Variants in NEK1 observed in about 807,000 individuals in gnomAD.
NEK1 encodes NIMA related kinase 1, also known as serine/threonine-protein kinase Nek1.
A neutral mutation model predicts 182.1 loss-of-function variants in NEK1; 137 were observed. That is an observed-to-expected ratio of 0.75 (90% CI 0.65 to 0.87). The LOEUF (loss-of-function observed/expected upper bound fraction) is 0.87, where lower values mean the gene tolerates loss of function less well. Ranked by LOEUF, NEK1 falls within the 40% of genes least tolerant of loss-of-function variation. The pLI is 0.00. For synonymous variants in NEK1, 513 were observed against 492.2 expected (o/e 1.04, Z -0.56); for missense variants, 1,391 against 1,494.4 (o/e 0.93, Z 1.14).
intron 2 of NEK1, among the ~76,000 whole-genome samples, chr4:169,605,241 A>C (rs555386304): frequency 5.8e-4 from 88 of 152,340 alleles, no homozygotes; most frequent in African/African-American, 2.0e-3. Context: ...CAGAAGCTCC[A>C]AAAGTCCCCA....
At chr4:169,442,162 T>C (rs1240028987) in intron 27 of NEK1, among the ~76,000 whole-genome samples, 3 of 152,148 alleles carry the variant, frequency 2.0e-5, no homozygotes, top group Non-Finnish European at 4.4e-5. Context: ...GGACCCACTA[T>C]CACCAGTGCC....
At chr4:169,421,156 C>T (rs2111290969) in intron 31 of NEK1, among the ~76,000 whole-genome samples, 1 of 152,228 alleles carries the variant, frequency 6.6e-6, no homozygotes, top group African/African-American at 2.4e-5. Flanking sequence ...ATTAAGAAGA[C>T]ATATTGATTC....
At chr4:169,554,524 G>A (rs1761888482) in intron 18 of NEK1, 2 of 151,678 alleles carry the variant, frequency 1.3e-5, no homozygotes, top group South Asian at 2.1e-4. Context: ...ATATACGGAG[G>A]CACCTTAAAT....
At chr4:169,601,975 G>T in intron 4 of NEK1, 33 bp downstream of exon 4, 1 of 1,453,214 alleles carries the variant, frequency 6.9e-7, no homozygotes. Context: ...AATGTCTTAG[G>T]ATTTTTTAAC....
chr4:169,612,559 G>C lies in NEK1; in HGVS notation c.-510C>G, dbSNP rs895209975. ...GTAGGGTAAGGACTCCGCAACCTAGGGTCCCAAAACCCTGGAGCGAATGCG... is the reference window on the plus strand; with the variant it reads ...GTAGGGTAAGGACTCCGCAACCTAGCGTCCCAAAACCCTGGAGCGAATGCG... On this transcript the variant is annotated 5_prime_UTR_variant, in exon 1 of 36. Coordinates refer to ENST00000507142, the MANE Select transcript of NEK1 (RefSeq NM_001199397.3). The C allele has an allele frequency of 7.9e-5, 12 of 152,128 alleles. No homozygotes were observed. The highest frequency in any genetic ancestry group is 2.9e-4 in the African/African-American group (12 of 41,394). 9.4% of individuals were successfully genotyped at this position (152,128 alleles called of 1,614,324 possible). A position where few individuals can be genotyped will look rare whatever the true frequency, so the allele number is the denominator to read the frequency against.
chr4:169,540,871 C>CTT (rs1187231067), intron 18 of NEK1, among the ~76,000 whole-genome samples: 3 of 143,612 alleles, frequency 2.1e-5, no homozygotes, highest in African/African-American at 5.1e-5. Context: ...ACAAACTTTC[C>CTT]TTTTTTTTTT....
chr4:169,569,532 C>T (rs895763966), intron 12 of NEK1, among the ~76,000 whole-genome samples: 5 of 149,566 alleles, frequency 3.3e-5, no homozygotes, highest in African/African-American at 1.2e-4. Flanking sequence ...CAGTCTCCCT[C>T]TGATGCCGAG....
intron 27 of NEK1, among the ~76,000 whole-genome samples, chr4:169,452,795 T>C (rs1561213907): frequency 2.0e-5 from 3 of 152,124 alleles, no homozygotes; most frequent in Admixed American, 6.6e-5. Flanking sequence ...TTCAACATAG[T>C]GTTGGAAGTT....
rs534351795 is a variant in NEK1 at position 169,569,739 on chromosome 4, C to T, written c.1020+7189G>A. Among the ~76,000 whole-genome samples, 30 of 152,292 alleles carry T rather than the reference C, an allele frequency of 2.0e-4. No homozygotes were observed. The East Asian group carries it at 5.2e-3, about 27-fold the overall frequency. On this transcript the variant is annotated intron_variant, in intron 12 of 35. Coordinates refer to ENST00000507142, the MANE Select transcript of NEK1 (RefSeq NM_001199397.3). ...CAGCTCCTAACTGCGAGTGATCCGC[C>T]AGCCTCGGCCTCCCGAGGTGCCGGG...
chr4:169,464,009 C>G (rs941329986), intron 26 of NEK1, among the ~76,000 whole-genome samples: 1 of 152,074 alleles, frequency 6.6e-6, no homozygotes, highest in Admixed American at 6.6e-5. Context: ...ATTTTGTGAA[C>G]AAAACGAAGT....
intron 23 of NEK1, among the ~76,000 whole-genome samples, chr4:169,490,847 AAAGAG>A (rs1749924410): frequency 6.6e-6 from 1 of 152,076 alleles, no homozygotes; most frequent in Non-Finnish European, 1.5e-5. Flanking sequence ...TGAGCTCTAG[AAAGAG>A]AAGAGATGAG....
chr4:169,436,452 TG>T (rs1414311260), intron 28 of NEK1, among the ~76,000 whole-genome samples: 1 of 152,122 alleles, frequency 6.6e-6, no homozygotes, highest in Non-Finnish European at 1.5e-5. Flanking sequence ...GCTGAAAATT[TG>T]GTAACTGCAA....
chr4:169,561,345 A>G, intron 16 of NEK1, 135 bp downstream of exon 16: 1 of 727,350 alleles, frequency 1.4e-6, no homozygotes, highest in Non-Finnish European at 2.4e-6. Context: ...TTCATAATAA[A>G]TGTTAAAGAA....
intron 12 of NEK1, among the ~76,000 whole-genome samples, chr4:169,575,492 C>G (rs1370359204): frequency 5.3e-5 from 8 of 152,212 alleles, no homozygotes; most frequent in African/African-American, 1.9e-4. Flanking sequence ...TGGCCAGTGC[C>G]CCTACCAGCT....
chr4:169,513,182 T>C (rs922185528), intron 19 of NEK1, among the ~76,000 whole-genome samples: 3 of 152,196 alleles, frequency 2.0e-5, no homozygotes, highest in Admixed American at 1.3e-4. Context: ...TTAACAAGAA[T>C]TGCCATTTTT....
chr4:169,593,747 G>A (rs1768940333), intron 5 of NEK1, among the ~76,000 whole-genome samples: 1 of 152,156 alleles, frequency 6.6e-6, no homozygotes, highest in South Asian at 2.1e-4. Flanking sequence ...CCAGCACTTT[G>A]GGAGGCCTAG....
intron 19 of NEK1, among the ~76,000 whole-genome samples, chr4:169,510,982 A>C (rs978385991): frequency 6.6e-6 from 1 of 152,138 alleles, no homozygotes; most frequent in Non-Finnish European, 1.5e-5. Flanking sequence ...CACTCATTAG[A>C]GTGCATTATA....
intron 26 of NEK1, among the ~76,000 whole-genome samples, chr4:169,466,227 C>A (rs954529095): frequency 4.6e-5 from 7 of 151,998 alleles, no homozygotes; most frequent in Middle Eastern, 3.4e-3. Context: ...TCCATTCATA[C>A]TGAAGACAGA....
At chr4:169,398,853 ATT>A (rs968075535) in intron 35 of NEK1, among the ~76,000 whole-genome samples, 4 of 152,196 alleles carry the variant, frequency 2.6e-5, no homozygotes, top group Non-Finnish European at 5.9e-5. Flanking sequence ...AAAACCCTCA[ATT>A]TTAGTCTATG....
Sources: gnomAD v4.1 joint callset for allele counts (sites outside exome capture counted in the v4.1 genomes callset) on GRCh38, gnomAD v4.1.1 for gene constraint, MANE v1.5 for transcripts, NCBI Gene and HGNC (gene_info 2026-07-23, HGNC 2026-07-21) for gene names.